Variants in HIVEP3 observed in about 807,000 individuals in gnomAD.
HIVEP3 encodes transcription factor HIVEP3.
Under a neutral mutation model 152.8 loss-of-function variants are expected in HIVEP3, and 49 were observed. That is an observed-to-expected ratio of 0.32 (90% CI 0.26 to 0.41). HIVEP3 has a LOEUF of 0.41. Among genes scored for constraint, HIVEP3 ranks in the 10% least tolerant of loss-of-function variants. The pLI is 1.00. For synonymous variants in HIVEP3, 1,269 were observed against 1,289.0 expected (o/e 0.98, Z 0.33); for missense variants, 2,790 against 3,103.3 (o/e 0.90, Z 2.40).
rs543806598 is a variant in HIVEP3, at chr1:41,550,789, G to A, written c.5207+24755C>T. Among the ~76,000 whole-genome samples, 6 of 152,296 alleles carry A rather than the reference G, an allele frequency of 3.9e-5. No individual in the cohort carries two copies. In the South Asian group the frequency reaches 1.2e-3, roughly 32 times the overall value. ...GGAGATTTTGGGCTGAGATGATGGGGTTTTCTAAATATACAACCATGTCAT... is the reference window on the plus strand; with the variant it reads ...GGAGATTTTGGGCTGAGATGATGGGATTTTCTAAATATACAACCATGTCAT... On this transcript the variant is annotated intron_variant, in intron 5 of 8. Coordinates refer to ENST00000372583, the MANE Select transcript of HIVEP3 (RefSeq NM_024503.5).
intron 1 of HIVEP3, among the ~76,000 whole-genome samples, chr1:41,956,771 GTT>G (rs1645142590): frequency 6.6e-6 from 1 of 152,178 alleles, no homozygotes; most frequent in Non-Finnish European, 1.5e-5. Flanking sequence ...AGCTTATATG[GTT>G]TTTGAACAGC....
At chr1:41,534,901 T>G (rs906236182) in intron 5 of HIVEP3, among the ~76,000 whole-genome samples, 1 of 152,150 alleles carries the variant, frequency 6.6e-6, no homozygotes, top group Admixed American at 6.5e-5. Context: ...GGCAGGACAC[T>G]TGGGTCTTGG....
intron 1 of HIVEP3, among the ~76,000 whole-genome samples, chr1:41,901,710 T>C (rs116405301): frequency 4.9e-4 from 74 of 152,262 alleles, no homozygotes; most frequent in African/African-American, 1.4e-3. Context: ...CAGGAGCAGG[T>C]GTGGCTGGGC....
At chr1:41,554,990 T>G (rs922892098) in intron 5 of HIVEP3, among the ~76,000 whole-genome samples, 2 of 152,174 alleles carry the variant, frequency 1.3e-5, no homozygotes, top group Non-Finnish European at 2.9e-5. Context: ...TTCTCGGAGC[T>G]CAAACACCAT....
At chr1:41,652,574 A>C (rs533396061) in intron 2 of HIVEP3, among the ~76,000 whole-genome samples, 2 of 152,284 alleles carry the variant, frequency 1.3e-5, no homozygotes, top group South Asian at 2.1e-4. Context: ...TACAGGACTC[A>C]CCCTACGAGC....
chr1:42,014,514 C>T (rs894057395), intron 1 of HIVEP3, among the ~76,000 whole-genome samples: 2 of 152,220 alleles, frequency 1.3e-5, no homozygotes, highest in South Asian at 2.1e-4. Context: ...AATAAAGCTG[C>T]GCCAACAATA....
chr1:41,806,669 G>T (rs1210950828), intron 1 of HIVEP3, among the ~76,000 whole-genome samples: 1 of 152,214 alleles, frequency 6.6e-6, no homozygotes, highest in East Asian at 1.9e-4. Context: ...TGAGCAGGAA[G>T]GGGGAAACTG....
At chr1:41,619,403 ACACTT>A (rs1349015859) in intron 3 of HIVEP3, among the ~76,000 whole-genome samples, 1 of 152,200 alleles carries the variant, frequency 6.6e-6, no homozygotes, top group Non-Finnish European at 1.5e-5. Context: ...TATTTTACAT[ACACTT>A]ATGTTTTTAA....
chr1:41,884,736 C>G (rs1034781325), intron 1 of HIVEP3, among the ~76,000 whole-genome samples: 1 of 152,182 alleles, frequency 6.6e-6, no homozygotes, highest in African/African-American at 2.4e-5. Flanking sequence ...TGGCTCCTTG[C>G]CAACCTCAGG....
At chr1:42,018,601 A>T (rs1310350334) in intron 1 of HIVEP3, among the ~76,000 whole-genome samples, 1 of 152,086 alleles carries the variant, frequency 6.6e-6, no homozygotes, top group Non-Finnish European at 1.5e-5. Flanking sequence ...GTCACCCCAA[A>T]ATATGCCTCT....
At chr1:41,963,254 G>A (rs889733628) in intron 1 of HIVEP3, among the ~76,000 whole-genome samples, 6 of 152,056 alleles carry the variant, frequency 3.9e-5, no homozygotes, top group South Asian at 4.2e-4. Context: ...CTCGTGATCC[G>A]CCTGCCTCGG....
At chr1:41,786,699 TAGGCCAACA>T (rs1649366953) in intron 1 of HIVEP3, among the ~76,000 whole-genome samples, 1 of 152,156 alleles carries the variant, frequency 6.6e-6, no homozygotes, top group South Asian at 2.1e-4. Context: ...ACCCCTGTTC[TAGGCCAACA>T]CTGTCCAAAA....
chr1:41,889,628 G>C (rs1644415284), intron 1 of HIVEP3, among the ~76,000 whole-genome samples: 1 of 152,194 alleles, frequency 6.6e-6, no homozygotes, highest in South Asian at 2.1e-4. Flanking sequence ...TCTAGAGTAT[G>C]AAAGCCCGGC....
intron 1 of HIVEP3, among the ~76,000 whole-genome samples, chr1:41,824,303 T>G (rs1642693769): frequency 6.6e-6 from 1 of 152,176 alleles, no homozygotes; most frequent in Non-Finnish European, 1.5e-5. Context: ...CTTCAAATAG[T>G]CATTTCCACC....
intron 1 of HIVEP3, among the ~76,000 whole-genome samples, chr1:41,906,781 C>A (rs1359923989): frequency 6.6e-6 from 1 of 151,936 alleles, no homozygotes; most frequent in Non-Finnish European, 1.5e-5. Context: ...GTGAGAGTTA[C>A]ATACGTTCTG....
chr1:41,647,788 T>C (rs1645483792), intron 2 of HIVEP3, among the ~76,000 whole-genome samples: 1 of 152,280 alleles, frequency 6.6e-6, no homozygotes. Context: ...CGCTCCTTCT[T>C]GGATCTCTTG....
At chr1:41,823,519 T>A (rs1642668672) in intron 1 of HIVEP3, among the ~76,000 whole-genome samples, 1 of 152,190 alleles carries the variant, frequency 6.6e-6, no homozygotes, top group Admixed American at 6.5e-5. Flanking sequence ...TTTTTGGCCA[T>A]CTCCTTGTAA....
At chr1:41,631,208 T>C (rs182937427) in intron 2 of HIVEP3, among the ~76,000 whole-genome samples, 4 of 152,254 alleles carry the variant, frequency 2.6e-5, no homozygotes, top group Admixed American at 2.0e-4. Context: ...GTGGGATGGA[T>C]GAGAATGTGG....
intron 1 of HIVEP3, among the ~76,000 whole-genome samples, chr1:41,736,232 G>A (rs1437892638): frequency 6.6e-6 from 1 of 152,176 alleles, no homozygotes; most frequent in African/African-American, 2.4e-5. Context: ...CATGGCATTC[G>A]TTCTGGGGGA....
Sources: gnomAD v4.1 joint callset for allele counts (sites outside exome capture counted in the v4.1 genomes callset) on GRCh38, gnomAD v4.1.1 for gene constraint, MANE v1.5 for transcripts, NCBI Gene and HGNC (gene_info 2026-07-23, HGNC 2026-07-21) for gene names.